The following STXBP5L variants were observed in gnomAD, a reference collection of about 807,000 sequenced individuals.
STXBP5L encodes syntaxin binding protein 5L.
STXBP5L carries 65 observed loss-of-function variants against 144.5 expected under a neutral mutation model. That is an observed-to-expected ratio of 0.45 (90% CI 0.37 to 0.55). The LOEUF (loss-of-function observed/expected upper bound fraction) is 0.55, where lower values mean the gene tolerates loss of function less well. Among genes scored for constraint, STXBP5L ranks in the 20% least tolerant of loss-of-function variants. The pLI is 0.00. For missense variants in STXBP5L, 1,298 were observed against 1,405.5 expected (o/e 0.92, Z 1.22); for synonymous variants, 505 against 469.6 (o/e 1.08, Z -0.97).
At chr3:121,396,147 A>C (rs1576350114) in intron 22 of STXBP5L, among the ~76,000 whole-genome samples, 2 of 152,348 alleles carry the variant, frequency 1.3e-5, no homozygotes, top group South Asian at 4.1e-4. Context: ...TCAGCTGCTG[A>C]TAACATCTGG....
At chr3:121,194,048 C>T (rs2047820387) in intron 9 of STXBP5L, among the ~76,000 whole-genome samples, 1 of 151,806 alleles carries the variant, frequency 6.6e-6, no homozygotes, top group African/African-American at 2.4e-5. Context: ...AATGACATAT[C>T]CTACAATTTA....
intron 19 of STXBP5L, among the ~76,000 whole-genome samples, chr3:121,299,794 C>T (rs992055622): frequency 2.1e-4 from 32 of 151,866 alleles, no homozygotes; most frequent in Non-Finnish European, 3.2e-4. Context: ...CAAGACCAGC[C>T]GGACCAACAT....
chr3:121,211,223 C>T (rs1449548697), intron 10 of STXBP5L, among the ~76,000 whole-genome samples: 1 of 152,098 alleles, frequency 6.6e-6, no homozygotes, highest in East Asian at 1.9e-4. Context: ...CACGATTTGG[C>T]TCTCTGTCTG....
intron 3 of STXBP5L, among the ~76,000 whole-genome samples, chr3:120,997,637 T>C (rs1472179470): frequency 1.3e-5 from 2 of 152,210 alleles, no homozygotes; most frequent in Non-Finnish European, 2.9e-5. Context: ...TGTTTTTTGC[T>C]TTTTAATTTG....
chr3:121,084,865 C>T (rs749941348), intron 5 of STXBP5L, among the ~76,000 whole-genome samples: 6 of 152,158 alleles, frequency 3.9e-5, no homozygotes, highest in South Asian at 2.1e-4. Context: ...TCCACAGTCT[C>T]GCCAGCATCT....
At chr3:121,116,452 T>G (rs2044233474) in intron 6 of STXBP5L, among the ~76,000 whole-genome samples, 1 of 152,142 alleles carries the variant, frequency 6.6e-6, no homozygotes, top group African/African-American at 2.4e-5. Context: ...TCTTTCTCCC[T>G]CATTAGATTA....
At chr3:121,164,947 A>G (rs898683500) in intron 9 of STXBP5L, among the ~76,000 whole-genome samples, 1 of 152,174 alleles carries the variant, frequency 6.6e-6, no homozygotes, top group Non-Finnish European at 1.5e-5. Flanking sequence ...TATAGAAGAA[A>G]AAGTTGAAAT....
intron 22 of STXBP5L, among the ~76,000 whole-genome samples, chr3:121,390,586 G>A (rs1211788357): frequency 3.9e-5 from 6 of 152,268 alleles, no homozygotes; most frequent in Non-Finnish European, 5.9e-5. Context: ...AAGCCTGGTG[G>A]TGACAAAATC....
chr3:120,980,123 G>T (rs1445189769), intron 3 of STXBP5L, among the ~76,000 whole-genome samples: 7 of 152,090 alleles, frequency 4.6e-5, no homozygotes, highest in African/African-American at 1.7e-4. Flanking sequence ...ATTGACACTT[G>T]TTTTGTGGCC....
At chr3:121,062,715 C>A (rs2041344718) in intron 5 of STXBP5L, among the ~76,000 whole-genome samples, 1 of 152,114 alleles carries the variant, frequency 6.6e-6, no homozygotes, top group East Asian at 1.9e-4. Flanking sequence ...CCTTTTCATT[C>A]TTTTTTTCTA....
chr3:121,347,417 G>A (rs1231624045), intron 20 of STXBP5L, among the ~76,000 whole-genome samples: 2 of 152,116 alleles, frequency 1.3e-5, no homozygotes, highest in Non-Finnish European at 2.9e-5. Flanking sequence ...CTTGGCTTAG[G>A]ATTGACTTGG....
intron 3 of STXBP5L, among the ~76,000 whole-genome samples, chr3:120,981,932 G>C (rs1941816448): frequency 6.6e-6 from 1 of 152,154 alleles, no homozygotes; most frequent in African/African-American, 2.4e-5. Flanking sequence ...TCAAGGTACT[G>C]TATGAGTTCC....
At chr3:121,336,594 TA>T (rs1042720164) in intron 20 of STXBP5L, among the ~76,000 whole-genome samples, 45 of 145,042 alleles carry the variant, frequency 3.1e-4, no homozygotes, top group East Asian at 2.0e-3. Flanking sequence ...TAATAAAAAG[TA>T]AAAAAAAAAA....
At chr3:121,313,611 C>CT (rs1420974003) in intron 19 of STXBP5L, among the ~76,000 whole-genome samples, 1 of 97,780 alleles carries the variant, frequency 1.0e-5, no homozygotes, top group Non-Finnish European at 2.2e-5. Flanking sequence ...GGCCGACCCC[C>CT]CCCCCCGCCT....
In STXBP5L at chr3:121,049,508, C is replaced by G. The variant is rs72968844; in HGVS notation, c.470+3973C>G. On this transcript the variant is annotated intron_variant, in intron 5 of 26. Coordinates refer to ENST00000471454, the MANE Select transcript of STXBP5L (RefSeq NM_001308330.2). ...CCTAATCACTGAGTACACTCCCCAGCCTGAGGGCAAACAGGAGGGAGGGTT... is the reference window on the plus strand; with the variant it reads ...CCTAATCACTGAGTACACTCCCCAGGCTGAGGGCAAACAGGAGGGAGGGTT... 381 of 154,314 alleles carry G rather than the reference C, an allele frequency of 2.5e-3. 2 individuals carry two copies. Among genetic ancestry groups the G allele is most frequent in the African/African-American group, 8.6e-3 (356 of 41,596 alleles). The allele number at this position is 154,314 out of a possible 1,614,324, so 9.6% of individuals were successfully genotyped here. A position where few individuals can be genotyped will look rare whatever the true frequency, so the allele number is the denominator to read the frequency against.
chr3:120,975,936 T>G (rs1318457658), intron 3 of STXBP5L, among the ~76,000 whole-genome samples: 1 of 152,226 alleles, frequency 6.6e-6, no homozygotes, highest in Non-Finnish European at 1.5e-5. Context: ...TGCTGCTGGA[T>G]TCTGTTTGCC....
Position 121,018,839 on chromosome 3 carries a change from G to C in STXBP5L, c.288-22861G>C, listed in dbSNP as rs527477530. 6.6e-5 allele frequency among the ~76,000 whole-genome samples: 10 copies of C among 152,252 alleles called. No homozygotes were observed. The South Asian group carries it at 2.1e-3, about 32-fold the overall frequency. Reference sequence around the variant, plus strand: ...ATGAACTTTTACTTCATGAATTACTGCAGGAACATACCAACAAAGACAAGA... The same window carrying C: ...ATGAACTTTTACTTCATGAATTACTCCAGGAACATACCAACAAAGACAAGA... On this transcript the variant is annotated intron_variant, in intron 3 of 26. Coordinates refer to ENST00000471454, the MANE Select transcript of STXBP5L (RefSeq NM_001308330.2).
At chr3:121,036,675 T>G (rs762320940) in intron 3 of STXBP5L, among the ~76,000 whole-genome samples, 43 of 152,194 alleles carry the variant, frequency 2.8e-4, no homozygotes, top group Non-Finnish European at 3.7e-4. Context: ...TGGGAGATTT[T>G]ATTAAGAAAG....
intron 5 of STXBP5L, among the ~76,000 whole-genome samples, chr3:121,075,858 G>A (rs2041998007): frequency 6.6e-6 from 1 of 152,170 alleles, no homozygotes; most frequent in South Asian, 2.1e-4. Flanking sequence ...TATCTCCTGT[G>A]CCTGCAGGTG....
Sources: allele counts gnomAD v4.1 joint callset (sites outside exome capture counted in the v4.1 genomes callset), GRCh38; gene constraint gnomAD v4.1.1; transcripts MANE v1.5; gene names NCBI Gene and HGNC (gene_info 2026-07-23, HGNC 2026-07-21).